DUSP16: variants seen among roughly 807,000 people sequenced by gnomAD.
DUSP16 encodes dual specificity protein phosphatase 16.
In DUSP16, 21 loss-of-function variants were observed where a neutral mutation model predicts 58.3. That is an observed-to-expected ratio of 0.36 (90% CI 0.26 to 0.52). DUSP16 has a LOEUF of 0.52. Ranked by LOEUF, DUSP16 falls within the 20% of genes least tolerant of loss-of-function variation. The pLI is 0.94. For synonymous variants in DUSP16, 320 were observed against 323.8 expected (o/e 0.99, Z 0.12); for missense variants, 726 against 819.0 (o/e 0.89, Z 1.39).
At position 12,519,962 on chromosome 12, in the gene DUSP16, A is replaced by G. The variant is rs1438681925; in HGVS notation, c.267T>C (p.Asp89=). 6.8e-6 allele frequency: 11 copies of G among 1,614,160 alleles called. No individual in the cohort carries two copies. Among genetic ancestry groups the G allele is most frequent in the Non-Finnish European group, 9.3e-6 (11 of 1,179,996 alleles). Reference sequence around the variant, plus strand: ...GAGAGGCAACATCTTGGGAGCTTTGATCGTAAACTACAACCTTCTGACTGC... The same window carrying G: ...GAGAGGCAACATCTTGGGAGCTTTGGTCGTAAACTACAACCTTCTGACTGC... The part of the protein sequence containing the change: ...IDCSQKVVVY[D]QSSQDVASLS... The change falls in exon 3 of 7, where the codon GAT becomes GAC. Residue 89 remains aspartate (D), a synonymous_variant. Coordinates refer to ENST00000298573, the MANE Select transcript of DUSP16 (RefSeq NM_030640.3).
intron 5 of DUSP16, among the ~76,000 whole-genome samples, chr12:12,484,878 C>T (rs1200686395): frequency 6.6e-6 from 1 of 152,156 alleles, no homozygotes; most frequent in African/African-American, 2.4e-5. Flanking sequence ...TCCCAAAGTG[C>T]TGGGATTACA....
chr12:12,520,912 C>G lies in DUSP16; in HGVS notation c.187G>C (p.Val63Leu). ...TGCTGGATGAGCTCTGTAATTAACACTTTGTCCTGTTGCAACCTTCGCTTC... is the reference window on the plus strand; with the variant it reads ...TGCTGGATGAGCTCTGTAATTAACAGTTTGTCCTGTTGCAACCTTCGCTTC... ...LMKRRLQQDK[V>L]LITELIQHSA... The change falls in exon 2 of 7, where the codon GTG (valine) becomes CTG (leucine). Residue 63 changes from valine (V) to leucine (L), a missense_variant. Physicochemically the swap from Val to Leu is conservative, Grantham distance 32. Transcript: ENST00000298573. 1 of 1,614,202 alleles carries G rather than the reference C, an allele frequency of 6.2e-7. No homozygotes were observed. Among genetic ancestry groups the G allele is most frequent in the Non-Finnish European group, 8.5e-7 (1 of 1,180,034 alleles).
At chr12:12,539,715 G>A (rs908070487) in intron 1 of DUSP16, among the ~76,000 whole-genome samples, 6 of 147,942 alleles carry the variant, frequency 4.1e-5, no homozygotes, top group African/African-American at 1.3e-4. Flanking sequence ...AATAAAGGAC[G>A]TCACCACCCT....
chr12:12,546,867 C>T (rs758263726), intron 1 of DUSP16, among the ~76,000 whole-genome samples: 1 of 152,128 alleles, frequency 6.6e-6, no homozygotes, highest in Non-Finnish European at 1.5e-5. Flanking sequence ...CTGTCAGATA[C>T]TATCTATAAG....
At chr12:12,483,368 TTTTTA>T (rs1045997365) in intron 5 of DUSP16, among the ~76,000 whole-genome samples, 17 of 152,240 alleles carry the variant, frequency 1.1e-4, no homozygotes, top group African/African-American at 1.4e-4. Flanking sequence ...ATTTTACTTA[TTTTTA>T]TTTTATCTTT....
intron 4 of DUSP16, among the ~76,000 whole-genome samples, chr12:12,498,152 A>G (rs1271536840): frequency 6.6e-6 from 1 of 152,182 alleles, no homozygotes; most frequent in Non-Finnish European, 1.5e-5. Context: ...TCTCTTGGAA[A>G]GTATAAATCA....
intron 5 of DUSP16, chr12:12,485,210 A>T (rs1305622459): frequency 6.7e-6 from 1 of 150,054 alleles, no homozygotes; most frequent in African/African-American, 2.5e-5. Flanking sequence ...GGGTTTCACT[A>T]TATGTTGGCC....
chr12:12,542,007 G>A (rs564183567), intron 1 of DUSP16, among the ~76,000 whole-genome samples: 3 of 152,274 alleles, frequency 2.0e-5, no homozygotes, highest in South Asian at 2.1e-4. Flanking sequence ...CAATATGGGA[G>A]AACCCCAAAA....
At position 12,519,937 on chromosome 12, in the gene DUSP16, G is replaced by A. The variant is rs1198408802; in HGVS notation, c.292C>T (p.Leu98Phe). 1 of 1,613,994 alleles carries A rather than the reference G, an allele frequency of 6.2e-7. No individual in the cohort carries two copies. The highest frequency in any genetic ancestry group is 8.5e-7 in the Non-Finnish European group (1 of 1,179,988). ...ACAGTGAGAAAACAGTCTGAAGAGA[G>A]AGAGGCAACATCTTGGGAGCTTTGA... Reference protein sequence around the residue: ...YDQSSQDVASLSSDCFLTVLL... With the variant: ...YDQSSQDVASFSSDCFLTVLL... Residue 98 changes from leucine (L) to phenylalanine (F), a missense_variant, in exon 3 of 7, where the codon CTC becomes TTC. Physicochemically the swap from Leu to Phe is conservative, Grantham distance 22. Coordinates refer to ENST00000298573, the MANE Select transcript of DUSP16 (RefSeq NM_030640.3).
At chr12:12,540,013 C>G (rs1451727266) in intron 1 of DUSP16, among the ~76,000 whole-genome samples, 1 of 151,736 alleles carries the variant, frequency 6.6e-6, no homozygotes, top group Non-Finnish European at 1.5e-5. Flanking sequence ...CAAGATCGCA[C>G]CACTGCACCC....
At chr12:12,542,421 A>G (rs1431108677) in intron 1 of DUSP16, among the ~76,000 whole-genome samples, 2 of 151,638 alleles carry the variant, frequency 1.3e-5, no homozygotes, top group East Asian at 3.8e-4. Context: ...AAATACCCAG[A>G]AAGGGCAAAT....
chr12:12,499,365 C>A (rs956210957), intron 4 of DUSP16, among the ~76,000 whole-genome samples: 1 of 152,162 alleles, frequency 6.6e-6, no homozygotes, highest in African/African-American at 2.4e-5. Context: ...TGTGACCCCA[C>A]CAGAAAGGCT....
intron 4 of DUSP16, among the ~76,000 whole-genome samples, chr12:12,495,435 A>T (rs1943815869): frequency 6.6e-6 from 1 of 152,208 alleles, no homozygotes; most frequent in Non-Finnish European, 1.5e-5. Flanking sequence ...TTCAAAAATG[A>T]TTATCTGTAA....
chr12:12,491,498 ATTCAG>A (rs1183103553), intron 4 of DUSP16: 1 of 152,244 alleles, frequency 6.6e-6, no homozygotes, highest in African/African-American at 2.4e-5. Flanking sequence ...TATATAATTC[ATTCAG>A]TTTAGTTTCA....
At chr12:12,545,900 G>C (rs1326578796) in intron 1 of DUSP16, among the ~76,000 whole-genome samples, 1 of 152,098 alleles carries the variant, frequency 6.6e-6, no homozygotes, top group Non-Finnish European at 1.5e-5. Context: ...TTCAAAGCCG[G>C]TAAGAGAAAT....
chr12:12,529,727 T>C (rs1176608828), intron 1 of DUSP16, among the ~76,000 whole-genome samples: 1 of 152,188 alleles, frequency 6.6e-6, no homozygotes, highest in Admixed American at 6.6e-5. Context: ...ACCATTCTAC[T>C]CTCTACTTCC....
Position 12,521,295 on chromosome 12 carries a change from T to G in DUSP16, c.-197A>C. 1 of 1,429,416 alleles carries G rather than the reference T, an allele frequency of 7.0e-7. No individual in the cohort carries two copies. Among genetic ancestry groups the G allele is most frequent in the Non-Finnish European group, 9.1e-7 (1 of 1,095,364 alleles). The allele number at this position is 1,429,416 out of a possible 1,614,324, so 88.5% of individuals were successfully genotyped here. ...AATGTCTCTTTCTCTTTCCCGTTGA[T>G]GTGCTCTTGCAAAGGACTCCGTCCA... On this transcript the variant is annotated 5_prime_UTR_variant, in exon 2 of 7. Transcript: ENST00000298573.
intron 4 of DUSP16, among the ~76,000 whole-genome samples, chr12:12,489,357 G>A (rs1943729805): frequency 6.6e-6 from 1 of 152,114 alleles, no homozygotes; most frequent in Non-Finnish European, 1.5e-5. Context: ...TTCTATGTGT[G>A]AACCCAAGGT....
rs1943386034 is a variant in DUSP16, at chr12:12,474,650, C to T, written c.*2183G>A. On this transcript the variant is annotated 3_prime_UTR_variant, in exon 7 of 7. Transcript: ENST00000298573. ...CACTAAAGGCTGTAGGATGTGACTA[C>T]ATCACAGTTCCAGAAGGAAGGGGGA... The T allele has an allele frequency of 9.6e-6, 1 of 103,772 alleles. No homozygotes were observed. The highest frequency in any genetic ancestry group is 2.1e-5 in the Non-Finnish European group (1 of 48,594). 6.4% of individuals were successfully genotyped at this position (103,772 alleles called of 1,614,324 possible).
Sources: allele counts gnomAD v4.1 joint callset (sites outside exome capture counted in the v4.1 genomes callset), GRCh38; gene constraint gnomAD v4.1.1; transcripts MANE v1.5; gene names NCBI Gene and HGNC (gene_info 2026-07-23, HGNC 2026-07-21).